The following REST variants were observed in gnomAD, a reference collection of about 807,000 sequenced individuals.
REST encodes the protein RE1 silencing transcription factor.
REST carries 1 observed loss-of-function variant against 30.4 expected under a neutral mutation model. That is an observed-to-expected ratio of 0.03 (90% CI 0.01 to 0.16). The LOEUF is 0.16. Ranked by LOEUF, REST falls within the 10% of genes least tolerant of loss-of-function variation. The probability of loss-of-function intolerance (pLI) is 1.00; values close to 1 mark genes in which losing one functional copy is unlikely to be tolerated. For synonymous variants in REST, 504 were observed against 451.1 expected, an observed-to-expected ratio of 1.12 and a Z score of -1.49; for missense variants, 1,259 against 1,329.5, an observed-to-expected ratio of 0.95 and a Z score of 0.82.
chr4:56,927,552 G>C, intron 3 of REST: 5 of 669,486 alleles, frequency 7.5e-6, no homozygotes, highest in Non-Finnish European at 9.8e-6. Flanking sequence ...ATTTGAGAAT[G>C]TTTGAGATGA....
At chr4:56,911,649 T>G in intron 2 of REST, 113 bp downstream of exon 2, 1 of 863,780 alleles carries the variant, frequency 1.2e-6, no homozygotes, top group South Asian at 1.7e-5. Context: ...AGGTTCCATT[T>G]TGCTATCTTT....
Position 56,930,913 on chromosome 4 carries a change from G to A in REST, c.2055G>A (p.Met685Ile), listed in dbSNP as rs1720936153. Residue 685 changes from methionine (M) to isoleucine (I), a missense_variant, in exon 4 of 4, where the codon ATG (methionine) becomes ATA (isoleucine). This residue lies in a region of REST where 856 missense variants were observed against 772.8 expected (regional missense o/e 1.11). Coordinates refer to ENST00000309042, the MANE Select transcript of REST (RefSeq NM_005612.5). ...MVGAQIVLAH[M>I]ELPPPMETAQ... ...GTGCCCAAATTGTACTTGCTCACATGGAGCTGCCTCCTCCCATGGAGACTG... is the reference window on the plus strand; with the variant it reads ...GTGCCCAAATTGTACTTGCTCACATAGAGCTGCCTCCTCCCATGGAGACTG... 1 of 1,613,750 alleles carries A rather than the reference G, an allele frequency of 6.2e-7. No individual in the cohort carries two copies. Among genetic ancestry groups the A allele is most frequent in the Non-Finnish European group, 8.5e-7 (1 of 1,179,664 alleles).
At chr4:56,929,051 A>T (rs1578511563) in intron 3 of REST, among the ~76,000 whole-genome samples, 1 of 148,464 alleles carries the variant, frequency 6.7e-6, no homozygotes, top group South Asian at 2.1e-4. Flanking sequence ...GGTGCACTCC[A>T]CTATGCCTGG....
rs2109585394 is a variant in REST, at chr4:56,934,837, T to TATA, written c.*2687_*2689dup. ...ATAAACTTGAAATACTAGCATATAT[T>TATA]ATAAGCCTTAATCTTAGGTAGTCTT... is the stretch of plus-strand genomic sequence containing the variant. On this transcript the variant is annotated 3_prime_UTR_variant, in exon 4 of 4. Coordinates refer to ENST00000309042, the MANE Select transcript of REST (RefSeq NM_005612.5). 6.6e-6 allele frequency: 1 copy of TATA among 152,338 alleles called. No homozygotes were observed. Among genetic ancestry groups the TATA allele is most frequent in the Admixed American group, 6.5e-5 (1 of 15,304 alleles). The allele number at this position is 152,338 out of a possible 1,614,324, so 9.4% of individuals were successfully genotyped here.
chr4:56,913,418 T>G (rs1720025638), intron 2 of REST, among the ~76,000 whole-genome samples: 1 of 152,226 alleles, frequency 6.6e-6, no homozygotes, highest in Non-Finnish European at 1.5e-5. Context: ...ATTTGGACAT[T>G]TCTGTTACAT....
Position 56,910,764 on chromosome 4 carries a change from C to G in REST, c.126C>G (p.Ala42=), listed in dbSNP as rs1239430859. The part of the protein sequence containing the change: ...DLHDLSKAEL[A]APQLIMLANV... ...ATGACCTTTCCAAAGCTGAACTGGC[C>G]GCACCTCAGCTTATTATGCTGGCAA... The change falls in exon 2 of 4, where the codon GCC becomes GCG. Residue 42 remains alanine, a synonymous_variant. Transcript: ENST00000309042. 4.3e-6 allele frequency: 7 copies of G among 1,614,128 alleles called. No individual in the cohort carries two copies. The highest frequency in any genetic ancestry group is 1.1e-5 in the South Asian group (1 of 91,078).
rs1019187573 is a variant in REST at position 56,934,616 on chromosome 4, T to C, written c.*2464T>C. Reference sequence around the variant, plus strand: ...AAAATTGTTTCAATGAAAAGTACATTAGCAGTATGAACTTCTGGTCCAGTT... The same window carrying C: ...AAAATTGTTTCAATGAAAAGTACATCAGCAGTATGAACTTCTGGTCCAGTT... On this transcript the variant is annotated 3_prime_UTR_variant, in exon 4 of 4. Transcript: ENST00000309042. 2 of 152,194 alleles carry C rather than the reference T, an allele frequency of 1.3e-5. No individual in the cohort carries two copies. The highest frequency in any genetic ancestry group is 4.8e-5 in the African/African-American group (2 of 41,460). The allele number at this position is 152,194 out of a possible 1,614,324, so 9.4% of individuals were successfully genotyped here. A position where few individuals can be genotyped will look rare whatever the true frequency, so the allele number is the denominator to read the frequency against.
chr4:56,911,345 A>C lies in REST; in HGVS notation c.707A>C (p.Lys236Thr). The change falls in exon 2 of 4, where the codon AAA becomes ACA. Residue 236 changes from lysine to threonine, a missense_variant. Around this residue, in one of 5 missense-constraint regions of REST, gnomAD observed 125 missense variants for 255.4 expected, o/e 0.49. Coordinates refer to ENST00000309042, the MANE Select transcript of REST (RefSeq NM_005612.5). The part of the protein sequence containing the change: ...NRYDHYTAHL[K>T]HHTRAGDNER... ...TATGATCACTATACAGCACACCTGA[A>C]ACACCACACCAGAGCTGGGGATAAT... 1 of 1,614,214 alleles carries C rather than the reference A, an allele frequency of 6.2e-7. No homozygotes were observed. The highest frequency in any genetic ancestry group is 8.5e-7 in the Non-Finnish European group (1 of 1,180,038).
chr4:56,931,753 A>C lies in REST; in HGVS notation c.2895A>C (p.Thr965=), dbSNP rs141960889. 6.2e-7 allele frequency: 1 copy of C among 1,614,132 alleles called. No individual in the cohort carries two copies. The highest frequency in any genetic ancestry group is 1.3e-5 in the African/African-American group (1 of 74,944). Residue 965 remains threonine (T), a synonymous_variant, in exon 4 of 4, where the codon ACA becomes ACC. Transcript: ENST00000309042. ...TRENLTGINS[T]VEEPVSPMLP... ...AGAATCTCACTGGTATAAATTCAAC[A>C]GTTGAAGAACCAGTTTCACCAATGC...
rs377105898 is a variant in REST at position 56,929,815 on chromosome 4, C to T, written c.983-26C>T. On this transcript the variant is annotated intron_variant, in intron 3 of 3. Coordinates refer to ENST00000309042, the MANE Select transcript of REST (RefSeq NM_005612.5). Reference sequence around the variant, plus strand: ...TTGAATTTGTCTTAATCTATGTCTTCTCTCATACTTTTGATTTGCCTTCAG... The same window carrying T: ...TTGAATTTGTCTTAATCTATGTCTTTTCTCATACTTTTGATTTGCCTTCAG... 15 of 1,568,790 alleles carry T rather than the reference C, an allele frequency of 9.6e-6. No individual in the cohort carries two copies. The African/African-American group carries it at 1.5e-4, about 16-fold the overall frequency.
intron 2 of REST, among the ~76,000 whole-genome samples, chr4:56,912,950 CTTTT>C (rs74519023): frequency 7.1e-6 from 1 of 140,980 alleles, no homozygotes; most frequent in African/African-American, 2.6e-5. Flanking sequence ...CCAGCCGAAA[CTTTT>C]TTTTTTTTTT....
chr4:56,910,914 A>G lies in REST; in HGVS notation c.276A>G (p.Gly92=). Reference sequence around the variant, plus strand: ...TTTCAGATAGTGAAGAAGGAGAAGGACTTGAAGAGTCTGCTGATATAAAAG... The same window carrying G: ...TTTCAGATAGTGAAGAAGGAGAAGGGCTTGAAGAGTCTGCTGATATAAAAG... ...NNFSDSEEGE[G]LEESADIKGE... is the part of the protein sequence containing the mutation. Residue 92 remains glycine (G), a synonymous_variant, in exon 2 of 4, where the codon GGA becomes GGG. Coordinates refer to ENST00000309042, the MANE Select transcript of REST (RefSeq NM_005612.5). 6.2e-7 allele frequency: 1 copy of G among 1,614,132 alleles called. No homozygotes were observed. Among genetic ancestry groups the G allele is most frequent in the Non-Finnish European group, 8.5e-7 (1 of 1,180,022 alleles).
At chr4:56,915,263 T>TTTTTG in intron 2 of REST, among the ~76,000 whole-genome samples, 1 of 129,404 alleles carries the variant, frequency 7.7e-6, no homozygotes, top group Non-Finnish European at 1.7e-5. Flanking sequence ...TTTTTTTTTT[T>TTTTTG]GAGATGGAGT....
chr4:56,911,638 C>A, intron 2 of REST, 102 bp downstream of exon 2: 1 of 978,114 alleles, frequency 1.0e-6, no homozygotes, highest in Non-Finnish European at 1.5e-6. Flanking sequence ...GGTTCAAATC[C>A]AGGTTCCATT....
rs1423786306 is a variant in REST at position 56,935,481 on chromosome 4, T to C, written c.*3329T>C. On this transcript the variant is annotated 3_prime_UTR_variant, in exon 4 of 4. Transcript: ENST00000309042. Reference sequence around the variant, plus strand: ...CATGTGTACATAGGTTCCCTCCCGGTCCCTTCCATATCCATTAGTTATTGA... The same window carrying C: ...CATGTGTACATAGGTTCCCTCCCGGCCCCTTCCATATCCATTAGTTATTGA... 6.6e-6 allele frequency: 1 copy of C among 152,230 alleles called. No individual in the cohort carries two copies. Among genetic ancestry groups the C allele is most frequent in the Non-Finnish European group, 1.5e-5 (1 of 68,044 alleles). The allele number at this position is 152,230 out of a possible 1,614,324, so 9.4% of individuals were successfully genotyped here. A position where few individuals can be genotyped will look rare whatever the true frequency, so the allele number is the denominator to read the frequency against.
intron 3 of REST, among the ~76,000 whole-genome samples, chr4:56,928,921 CAG>C (rs1484000755): frequency 2.6e-5 from 4 of 151,798 alleles, no homozygotes; most frequent in Non-Finnish European, 5.9e-5. Flanking sequence ...ATTTTTGAGA[CAG>C]GGCCTTGCTC....
In REST at chr4:56,908,089, C is replaced by T; in HGVS notation, c.-134C>T. 3.0e-6 allele frequency: 1 copy of T among 332,818 alleles called. No homozygotes were observed. The highest frequency in any genetic ancestry group is 5.5e-6 in the Non-Finnish European group (1 of 182,798). The allele number at this position is 332,818 out of a possible 1,614,324, so 20.6% of individuals were successfully genotyped here. ...ACTCCTGGGCCTTCTTGGTCCACGACGGCCCCAGCACCCAACTTTACCACC... is the reference window on the plus strand; with the variant it reads ...ACTCCTGGGCCTTCTTGGTCCACGATGGCCCCAGCACCCAACTTTACCACC... On this transcript the variant is annotated 5_prime_UTR_variant, in exon 1 of 4. It adds an upstream start codon to the 5' untranslated region. Coordinates refer to ENST00000309042, the MANE Select transcript of REST (RefSeq NM_005612.5).
chr4:56,921,679 G>A (rs1206881986), intron 3 of REST, among the ~76,000 whole-genome samples: 1 of 152,214 alleles, frequency 6.6e-6, no homozygotes, highest in Non-Finnish European at 1.5e-5. Context: ...CAAAGTGCTG[G>A]GATTACAGGT....
chr4:56,928,744 C>A (rs1720821129), intron 3 of REST, among the ~76,000 whole-genome samples: 1 of 151,846 alleles, frequency 6.6e-6, no homozygotes, highest in South Asian at 2.1e-4. Context: ...CAACACCACG[C>A]CCAGCTAAAT....
Sources: allele counts gnomAD v4.1 joint callset (sites outside exome capture counted in the v4.1 genomes callset), GRCh38; gene constraint gnomAD v4.1.1; regional missense constraint gnomAD v4.1.1; transcripts MANE v1.5; gene names NCBI Gene and HGNC (gene_info 2026-07-23, HGNC 2026-07-21).